Variants in MUC5B observed in about 807,000 individuals in gnomAD.
MUC5B encodes mucin-5B.
In MUC5B, 116 loss-of-function variants were observed where a neutral mutation model predicts 376.9. That is an observed-to-expected ratio of 0.31 (90% CI 0.26 to 0.36). The LOEUF (loss-of-function observed/expected upper bound fraction) is 0.36, where lower values mean the gene tolerates loss of function less well. MUC5B is among the 10% of genes least tolerant of loss of function. The pLI is 1.00. For synonymous variants in MUC5B, 3,517 were observed against 3,390.9 expected (o/e 1.04, Z -1.29); for missense variants, 7,165 against 7,769.9 (o/e 0.92, Z 2.93).
rs376117336 is a variant in MUC5B, at chr11:1,230,111, C to T, written c.1327C>T (p.Leu443=). 23 of 1,611,850 alleles carry T rather than the reference C, an allele frequency of 1.4e-5. No individual in the cohort carries two copies. The highest frequency in any genetic ancestry group is 2.0e-5 in the Non-Finnish European group (23 of 1,179,264). Residue 443 remains leucine, a synonymous_variant, in exon 11 of 49, where the codon CTG becomes TTG. Coordinates refer to ENST00000529681, the MANE Select transcript of MUC5B (RefSeq NM_002458.3). ...ISTYDEKLYD[L]HGDCSYVLSK... ...CACCTATGATGAGAAACTCTACGAC[C>T]TGCATGGTGACTGCAGCTACGTTCT...
At chr11:1,225,355 T>A (rs1297549379) in intron 1 of MUC5B, among the ~76,000 whole-genome samples, 1 of 152,162 alleles carries the variant, frequency 6.6e-6, no homozygotes, top group East Asian at 1.9e-4. Flanking sequence ...GGAGGCACCA[T>A]CCCCGCCTGT....
Position 1,246,063 on chromosome 11 carries a change from C to T in MUC5B, c.9183C>T (p.Ser3061=). 1 of 1,613,182 alleles carries T rather than the reference C, an allele frequency of 6.2e-7. No individual in the cohort carries two copies. The highest frequency in any genetic ancestry group is 8.5e-7 in the Non-Finnish European group (1 of 1,179,668). Residue 3061 remains serine (S), a synonymous_variant, in exon 31 of 49, where the codon TCC becomes TCT. Transcript: ENST00000529681. ...LPVLTSTATK[S]TATSFTPIPS... is the part of the protein sequence containing the mutation. ...TGCTGACAAGCACAGCCACCAAATC[C>T]ACAGCTACCAGCTTTACACCCATCC...
At position 1,254,700 on chromosome 11, in the gene MUC5B, T is replaced by C; in HGVS notation, c.15484T>C (p.Phe5162Leu). Residue 5162 changes from phenylalanine to leucine, a missense_variant, in exon 35 of 49, where the codon TTT becomes CTT. Physicochemically the swap from Phe to Leu is conservative, Grantham distance 22 (BLOSUM62 0). Transcript: ENST00000529681. The stretch of plus-strand genomic sequence containing the variant: ...TTCCCCTGGATTCCCCCAGATCCTG[T>C]TTGACCAAATTCCGGTGAGCAGCGG... Reference protein sequence around the residue: ...VHGKEEGLILFDQIPVSSGFS... With the variant: ...VHGKEEGLILLDQIPVSSGFS... 1 of 1,612,512 alleles carries C rather than the reference T, an allele frequency of 6.2e-7. No individual in the cohort carries two copies. The highest frequency in any genetic ancestry group is 8.5e-7 in the Non-Finnish European group (1 of 1,179,564).
In MUC5B at chr11:1,248,592, G is replaced by C. The variant is rs756684972; in HGVS notation, c.11712G>C (p.Val3904=). 5 of 1,612,260 alleles carry C rather than the reference G, an allele frequency of 3.1e-6. No individual in the cohort carries two copies. The highest frequency in any genetic ancestry group is 4.2e-6 in the Non-Finnish European group (5 of 1,179,204). The change falls in exon 31 of 49, where the codon GTG becomes GTC. Residue 3904 remains valine (V), a synonymous_variant. Coordinates refer to ENST00000529681, the MANE Select transcript of MUC5B (RefSeq NM_002458.3). ...CACCCACAACCAGTGGCTCCACGGT[G>C]ACCCCCTCCTCCGTCCCGGGGACCA... The part of the protein sequence containing the change: ...TTTPTTSGST[V]TPSSVPGTTH...
At position 1,258,133 on chromosome 11, in the gene MUC5B, T is replaced by C. The variant is rs1485481189; in HGVS notation, c.16485T>C (p.Pro5495=). 2.5e-6 allele frequency: 4 copies of C among 1,598,060 alleles called. No individual in the cohort carries two copies. Among genetic ancestry groups the C allele is most frequent in the South Asian group, 2.3e-5 (2 of 88,172 alleles). The stretch of plus-strand genomic sequence containing the variant: ...CAACCACCTGCCCCCAGAGCCTGCC[T>C]GTGTGCCCGCCAGGGCAGGAGTCCA... ...CNTTTCPQSL[P]VCPPGQESIC... The change falls in exon 42 of 49, where the codon CCT becomes CCC. Residue 5495 remains proline (P), a synonymous_variant. Coordinates refer to ENST00000529681, the MANE Select transcript of MUC5B (RefSeq NM_002458.3). The surrounding 1 kb of genome is among the most constrained non-coding windows in gnomAD (Gnocchi z 5.5).
intron 29 of MUC5B, 26 bp from the exon 30 acceptor site, chr11:1,240,152 G>A (rs779243487): frequency 1.3e-6 from 2 of 1,580,960 alleles, no homozygotes; most frequent in Non-Finnish European, 1.7e-6. Flanking sequence ...GGAGGCCCTG[G>A]GTGACTCTGC....
Position 1,241,766 on chromosome 11 carries a change from C to T in MUC5B, c.4886C>T (p.Ser1629Leu). The change falls in exon 31 of 49, where the codon TCA becomes TTA. Residue 1629 changes from serine to leucine, a missense_variant. Ser to Leu is a moderately radical substitution (Grantham distance 145, BLOSUM62 -2). Transcript: ENST00000529681. ...ATTTTTQALF[S>L]TPQPTSSPGL... The stretch of plus-strand genomic sequence containing the variant: ...ACCACCACCACCCAGGCCCTGTTCT[C>T]AACGCCGCAGCCTACGAGTAGCCCG... 1 of 1,612,290 alleles carries T rather than the reference C, an allele frequency of 6.2e-7. No individual in the cohort carries two copies. The highest frequency in any genetic ancestry group is 8.5e-7 in the Non-Finnish European group (1 of 1,179,360).
chr11:1,251,758 A>G lies in MUC5B; in HGVS notation c.14863+15A>G, dbSNP rs760872070. On this transcript the variant is annotated intron_variant, in intron 31 of 48. Coordinates refer to ENST00000529681, the MANE Select transcript of MUC5B (RefSeq NM_002458.3). ...TTTCTCGCCCGGTGAGTGCATGTGG[A>G]TAACACTGCTGTACCCTTTCCCCAC... 1.3e-4 allele frequency: 205 copies of G among 1,532,822 alleles called. No individual in the cohort carries two copies. The Admixed American group carries it at 3.5e-3, about 26-fold the overall frequency. 95.0% of individuals were successfully genotyped at this position (1,532,822 alleles called of 1,614,324 possible). A position where few individuals can be genotyped will look rare whatever the true frequency, so the allele number is the denominator to read the frequency against.
In MUC5B at chr11:1,250,590, C is replaced by T. The variant is rs1862651713; in HGVS notation, c.13710C>T (p.Thr4570=). 1 of 1,613,590 alleles carries T rather than the reference C, an allele frequency of 6.2e-7. No individual in the cohort carries two copies. ...HTSTVLTATA[T]TTGATGSVAT... is the part of the protein sequence containing the mutation. ...CCACAGTGCTTACCGCCACGGCCAC[C>T]ACAACCGGGGCCACCGGCTCTGTGG... The change falls in exon 31 of 49, where the codon ACC becomes ACT. Residue 4570 remains threonine, a synonymous_variant. Transcript: ENST00000529681.
In MUC5B at chr11:1,228,740, G is replaced by T. The variant is rs1861950286; in HGVS notation, c.951G>T (p.Arg317=). ...GCGCCCACGCGGGGGGCCAGCCGCG[G>T]AACTGGAGGTGCCCTGAGCTCTGCC... The part of the protein sequence containing the change: ...RQCAHAGGQP[R]NWRCPELCPR... The change falls in exon 8 of 49, where the codon CGG becomes CGT. Residue 317 remains arginine, a synonymous_variant. Transcript: ENST00000529681. 1 of 1,518,816 alleles carries T rather than the reference G, an allele frequency of 6.6e-7. No homozygotes were observed. Among genetic ancestry groups the T allele is most frequent in the Non-Finnish European group, 8.8e-7 (1 of 1,134,906 alleles). The allele number at this position is 1,518,816 out of a possible 1,614,324, so 94.1% of individuals were successfully genotyped here.
At position 1,233,275 on chromosome 11, in the gene MUC5B, G is replaced by GTT. The variant is rs1338795286; in HGVS notation, c.2321+8_2321+9insTT. The GTT allele has an allele frequency of 2.6e-6, 4 of 1,540,908 alleles. No homozygotes were observed. The East Asian group carries it at 9.4e-5, about 36-fold the overall frequency. ...ACGACGAGGGCGCCGTGTGGTAAGG[G>GTT]TCTGGGGGGAAAGCAGGCCCCCCAG... On this transcript the variant is annotated splice_region_variant and intron_variant, in intron 18 of 48. Coordinates refer to ENST00000529681, the MANE Select transcript of MUC5B (RefSeq NM_002458.3).
At chr11:1,254,057 C>A (rs370009379) in intron 33 of MUC5B, 35 bp from the exon 34 acceptor site, 2 of 1,594,608 alleles carry the variant, frequency 1.3e-6, no homozygotes, top group Admixed American at 1.7e-5. Flanking sequence ...GGCACCACCA[C>A]GGAGCCTGCC....
chr11:1,256,862 C>A, intron 39 of MUC5B, 91 bp downstream of exon 39: 1 of 988,144 alleles, frequency 1.0e-6, no homozygotes, highest in Non-Finnish European at 1.4e-6. Flanking sequence ...ATGATGTGCT[C>A]TCCCCTCTCC....
At position 1,261,400 on chromosome 11, in the gene MUC5B, A is replaced by C; in HGVS notation, c.17081A>C (p.Glu5694Ala). The change falls in exon 49 of 49, where the codon GAG (glutamate) becomes GCG (alanine). Residue 5694 changes from glutamate (E) to alanine (A), a missense_variant. This residue lies in a region of MUC5B where 842 missense variants were observed against 1,016.9 expected (regional missense o/e 0.83). Coordinates refer to ENST00000529681, the MANE Select transcript of MUC5B (RefSeq NM_002458.3). ...SCPGASKYSA[E>A]AQAMQHQCTC... is the part of the protein sequence containing the mutation. ...CCCTGCGTCCACAGGTACTCAGCAG[A>C]GGCCCAGGCCATGCAGCACCAGTGC... 6.5e-7 allele frequency: 1 copy of C among 1,548,712 alleles called. No homozygotes were observed. The highest frequency in any genetic ancestry group is 2.4e-5 in the East Asian group (1 of 41,002).
chr11:1,232,640 G>A lies in MUC5B; in HGVS notation c.1939-4G>A, dbSNP rs779518683. The A allele has an allele frequency of 7.5e-6, 12 of 1,600,928 alleles. No individual in the cohort carries two copies. The highest frequency in any genetic ancestry group is 3.4e-5 in the Admixed American group (2 of 58,358). On this transcript the variant is annotated splice_polypyrimidine_tract_variant and splice_region_variant and intron_variant, in intron 16 of 48. Coordinates refer to ENST00000529681, the MANE Select transcript of MUC5B (RefSeq NM_002458.3). ...TGACGCCCCGATGCCTCCCACCTCC[G>A]CAGAACTGCATGTTTGACACCTGCA...
In MUC5B at chr11:1,248,054, C is replaced by T. The variant is rs775135452; in HGVS notation, c.11174C>T (p.Pro3725Leu). Residue 3725 changes from proline to leucine, a missense_variant, in exon 31 of 49, where the codon CCG (proline) becomes CTG (leucine). Pro to Leu is a moderately conservative substitution (Grantham distance 98). Coordinates refer to ENST00000529681, the MANE Select transcript of MUC5B (RefSeq NM_002458.3). ...GGGACCACCTGGATCCTCACAGAGC[C>T]GAGCACTACAGCCACCGTGACGGTG... ...TPGTTWILTE[P>L]STTATVTVPT... 80 of 1,605,622 alleles carry T rather than the reference C, an allele frequency of 5.0e-5. 1 individual carries two copies. The highest frequency in any genetic ancestry group is 3.1e-4 in the East Asian group (14 of 44,664).
rs1342513218 is a variant in MUC5B at position 1,243,335 on chromosome 11, C to T, written c.6455C>T (p.Thr2152Ile). The T allele has an allele frequency of 6.4e-7, 1 of 1,558,104 alleles. No individual in the cohort carries two copies. The highest frequency in any genetic ancestry group is 2.0e-5 in the Admixed American group (1 of 51,214). ...ATGSTTNPSS[T>I]PGTTPIPPVL... ...GGCTCCACCACCAACCCCTCCTCAACTCCTGGGACAACTCCCATCCCCCCA... is the reference window on the plus strand; with the variant it reads ...GGCTCCACCACCAACCCCTCCTCAATTCCTGGGACAACTCCCATCCCCCCA... The change falls in exon 31 of 49, where the codon ACT (threonine) becomes ATT (isoleucine). Residue 2152 changes from threonine (T) to isoleucine (I), a missense_variant. Thr to Ile is a moderately conservative substitution (Grantham distance 89, BLOSUM62 -1). This residue lies in a region of MUC5B where 897 missense variants were observed against 779.6 expected (regional missense o/e 1.15). Transcript: ENST00000529681.
intron 1 of MUC5B, chr11:1,223,466 A>T: frequency 2.7e-5 from 12 of 437,244 alleles, no homozygotes; most frequent in Non-Finnish European, 5.2e-5. Flanking sequence ...GACCACCGAA[A>T]GGGTCTTGGT....
At position 1,258,226 on chromosome 11, in the gene MUC5B, T is replaced by A; in HGVS notation, c.16555+23T>A. The A allele has an allele frequency of 6.4e-7, 1 of 1,570,096 alleles. No homozygotes were observed. Among genetic ancestry groups the A allele is most frequent in the East Asian group, 2.3e-5 (1 of 42,744 alleles). On this transcript the variant is annotated intron_variant, in intron 42 of 48. Coordinates refer to ENST00000529681, the MANE Select transcript of MUC5B (RefSeq NM_002458.3). This position sits in a 1 kb window ranked among gnomAD's most constrained non-coding sequence, Gnocchi z 5.5. ...GCAGTGAGCGGGGCTGGGGCCGGGC[T>A]CCTGGGTGGCCTCTTGCTGGGGGTG...
Sources: gnomAD v4.1 joint callset for allele counts (sites outside exome capture counted in the v4.1 genomes callset) on GRCh38, gnomAD v4.1.1 for gene constraint, gnomAD v4.1.1 regional missense constraint, Gnocchi (gnomAD v3.1) non-coding constraint, MANE v1.5 for transcripts, NCBI Gene and HGNC (gene_info 2026-07-23, HGNC 2026-07-21) for gene names.